HDAC9: variants seen among roughly 807,000 people sequenced by gnomAD.
HDAC9 encodes histone deacetylase 9.
Under a neutral mutation model 139.4 loss-of-function variants are expected in HDAC9, and 41 were observed. The ratio of observed to expected loss-of-function variants is 0.29; its 90% CI spans 0.23 to 0.38. The LOEUF (loss-of-function observed/expected upper bound fraction) is 0.38. Ranked by LOEUF, HDAC9 falls within the 10% of genes least tolerant of loss-of-function variation. The pLI, the probability that HDAC9 is intolerant of heterozygous loss-of-function variation, is 1.00. For missense variants in HDAC9, 1,147 were observed against 1,297.0 expected (o/e 0.88, Z 1.78); for synonymous variants, 517 against 476.2 (o/e 1.09, Z -1.12).
At chr7:18,668,380 TC>T in intron 12 of HDAC9, 2 of 931,536 alleles carry the variant, frequency 2.1e-6, no homozygotes, top group Non-Finnish European at 2.6e-6. Context: ...GTATATTTTT[TC>T]CATCTCATAA....
chr7:18,177,868 T>C (rs988303297), intron 2 of HDAC9, among the ~76,000 whole-genome samples: 22 of 152,166 alleles, frequency 1.4e-4, no homozygotes, highest in African/African-American at 5.3e-4. Flanking sequence ...AGGAGGCTGA[T>C]TATAGTGGTG....
chr7:18,244,456 A>G (rs977203259), intron 2 of HDAC9, among the ~76,000 whole-genome samples: 5 of 152,166 alleles, frequency 3.3e-5, no homozygotes, highest in African/African-American at 1.2e-4. Flanking sequence ...TAACAGACAA[A>G]TGGCATATTG....
intron 1 of HDAC9, among the ~76,000 whole-genome samples, chr7:18,130,153 T>G (rs1357451429): frequency 6.6e-6 from 1 of 152,162 alleles, no homozygotes; most frequent in Non-Finnish European, 1.5e-5. Flanking sequence ...GCAGCCCTAA[T>G]TTGAAATCCA....
At chr7:18,909,640 ATT>A (rs1285409495) in intron 22 of HDAC9, among the ~76,000 whole-genome samples, 1 of 151,958 alleles carries the variant, frequency 6.6e-6, no homozygotes, top group Admixed American at 6.6e-5. Flanking sequence ...CTATTTATCT[ATT>A]TTTTAAATTT....
intron 2 of HDAC9, among the ~76,000 whole-genome samples, chr7:18,239,005 C>CT (rs1794011695): frequency 6.6e-6 from 1 of 152,124 alleles, no homozygotes; most frequent in Non-Finnish European, 1.5e-5. Flanking sequence ...TGGGCATAAT[C>CT]TTTTTCCTCT....
chr7:18,181,706 C>A (rs1458540812), intron 2 of HDAC9, among the ~76,000 whole-genome samples: 1 of 152,050 alleles, frequency 6.6e-6, no homozygotes, highest in East Asian at 1.9e-4. Context: ...CTACTCATAC[C>A]TGTCCCCCTA....
chr7:18,096,475 A>G (rs1480392161), intron 1 of HDAC9, among the ~76,000 whole-genome samples: 3 of 152,210 alleles, frequency 2.0e-5, no homozygotes, highest in Non-Finnish European at 4.4e-5. Flanking sequence ...GTATATTTAG[A>G]TGATCATCCC....
At chr7:18,438,916 G>A (rs566197472) in intron 1 of HDAC9, among the ~76,000 whole-genome samples, 13 of 152,204 alleles carry the variant, frequency 8.5e-5, no homozygotes, top group South Asian at 8.3e-4. Context: ...TTACAGTGAT[G>A]ATGCTAACAG....
intron 21 of HDAC9, among the ~76,000 whole-genome samples, chr7:18,871,733 T>G (rs1798932029): frequency 6.6e-6 from 1 of 152,144 alleles, no homozygotes; most frequent in African/African-American, 2.4e-5. Context: ...TCAGACACAA[T>G]AGATCTTTTT....
intron 22 of HDAC9, among the ~76,000 whole-genome samples, chr7:18,893,232 C>G (rs1041775022): frequency 6.6e-6 from 1 of 151,988 alleles, no homozygotes; most frequent in Non-Finnish European, 1.5e-5. Context: ...GGGAGATCTG[C>G]AAAACCAAGT....
chr7:18,202,413 T>C (rs1282715387), intron 2 of HDAC9, among the ~76,000 whole-genome samples: 4 of 152,238 alleles, frequency 2.6e-5, no homozygotes, highest in Non-Finnish European at 4.4e-5. Flanking sequence ...TCTTGCCTTG[T>C]GGTGCATGTT....
At chr7:18,623,715 G>A (rs1002615180) in intron 6 of HDAC9, among the ~76,000 whole-genome samples, 2 of 152,154 alleles carry the variant, frequency 1.3e-5, no homozygotes, top group Non-Finnish European at 2.9e-5. Flanking sequence ...AGGCCAAGGC[G>A]GGCGGATTAC....
chr7:18,412,579 G>A (rs769172628), intron 1 of HDAC9, among the ~76,000 whole-genome samples: 4 of 152,124 alleles, frequency 2.6e-5, no homozygotes, highest in Non-Finnish European at 4.4e-5. Flanking sequence ...ATGAGGATCC[G>A]GCAGTTCAGA....
At chr7:18,795,850 G>T (rs1376788463) in intron 17 of HDAC9, among the ~76,000 whole-genome samples, 1 of 152,166 alleles carries the variant, frequency 6.6e-6, no homozygotes, top group Non-Finnish European at 1.5e-5. Flanking sequence ...CAAATATGAT[G>T]GGGCTGATAT....
intron 24 of HDAC9, among the ~76,000 whole-genome samples, chr7:18,959,122 G>C (rs1306229383): frequency 6.6e-6 from 1 of 152,082 alleles, no homozygotes. Flanking sequence ...GCATGGCATG[G>C]TGGGCGCCAG....
intron 22 of HDAC9, among the ~76,000 whole-genome samples, chr7:18,895,363 A>C (rs1801089678): frequency 6.6e-6 from 1 of 152,130 alleles, no homozygotes; most frequent in Non-Finnish European, 1.5e-5. Context: ...GAAATGAAAA[A>C]TTGGTAGGAT....
intron 17 of HDAC9, among the ~76,000 whole-genome samples, chr7:18,824,654 A>G (rs1795275465): frequency 6.6e-6 from 1 of 152,232 alleles, no homozygotes; most frequent in Non-Finnish European, 1.5e-5. Flanking sequence ...CAGAGAACTG[A>G]GAAATCAGGA....
intron 2 of HDAC9, among the ~76,000 whole-genome samples, chr7:18,529,739 A>C (rs1182896466): frequency 6.6e-6 from 1 of 152,182 alleles, no homozygotes; most frequent in Non-Finnish European, 1.5e-5. Flanking sequence ...TTGAGGAAAG[A>C]GTCTTGAACT....
At chr7:18,738,067 G>C (rs1016534899) in intron 13 of HDAC9, among the ~76,000 whole-genome samples, 3 of 151,930 alleles carry the variant, frequency 2.0e-5, no homozygotes, top group African/African-American at 4.8e-5. Context: ...TTTTATCAGA[G>C]ACTAGGATTG....
Sources: allele counts gnomAD v4.1 joint callset (sites outside exome capture counted in the v4.1 genomes callset), GRCh38; gene constraint gnomAD v4.1.1; transcripts MANE v1.5; gene names NCBI Gene and HGNC (gene_info 2026-07-23, HGNC 2026-07-21).